The following FOXP1 variants were observed in gnomAD, a reference collection of about 807,000 sequenced individuals.
FOXP1 encodes forkhead box P1.
In FOXP1, 15 loss-of-function variants were observed where a neutral mutation model predicts 98.2. That is an observed-to-expected ratio of 0.15 (90% CI 0.10 to 0.24). The LOEUF is 0.24. FOXP1 is among the 10% of genes least tolerant of loss of function. The pLI, the probability that FOXP1 is intolerant of heterozygous loss-of-function variation, is 1.00. For synonymous variants in FOXP1, 371 were observed against 314.5 expected (o/e 1.18, Z -1.90); for missense variants, 633 against 848.5 (o/e 0.75, Z 3.15).
At chr3:71,114,095 A>G (rs2058168650) in intron 6 of FOXP1, among the ~76,000 whole-genome samples, 1 of 152,222 alleles carries the variant, frequency 6.6e-6, no homozygotes, top group African/African-American at 2.4e-5. Context: ...TTATTTGCGC[A>G]TCAAAGAAGA....
chr3:71,020,970 G>A (rs1330446348), intron 11 of FOXP1, among the ~76,000 whole-genome samples: 2 of 152,114 alleles, frequency 1.3e-5, no homozygotes, highest in Non-Finnish European at 2.9e-5. Context: ...CATGTTATTT[G>A]ATAAATTAAA....
chr3:71,580,098 C>G (rs1229230051), intron 2 of FOXP1, among the ~76,000 whole-genome samples: 1 of 150,650 alleles, frequency 6.6e-6, no homozygotes, highest in Non-Finnish European at 1.5e-5. Context: ...AGCAGCAGTT[C>G]TGTTTGATCT....
At chr3:71,280,072 G>A (rs551261689) in intron 5 of FOXP1, among the ~76,000 whole-genome samples, 1 of 145,448 alleles carries the variant, frequency 6.9e-6, no homozygotes, top group South Asian at 2.2e-4. Context: ...GCAGCGAGCT[G>A]AGACTGCACC....
intron 2 of FOXP1, among the ~76,000 whole-genome samples, chr3:71,522,664 C>G (rs1454939802): frequency 6.6e-6 from 1 of 152,138 alleles, no homozygotes; most frequent in African/African-American, 2.4e-5. Flanking sequence ...TAACTCAGAC[C>G]GTTCTGGGCC....
At chr3:71,548,278 C>G (rs2045516221) in intron 2 of FOXP1, among the ~76,000 whole-genome samples, 1 of 152,196 alleles carries the variant, frequency 6.6e-6, no homozygotes, top group Non-Finnish European at 1.5e-5. Context: ...AAACTAAACA[C>G]ACACATACAC....
intron 11 of FOXP1, among the ~76,000 whole-genome samples, chr3:71,015,914 G>A (rs957113505): frequency 2.0e-5 from 3 of 152,196 alleles, no homozygotes; most frequent in African/African-American, 7.2e-5. Flanking sequence ...GCTTTTGTTA[G>A]ATGCAAAGCT....
intron 2 of FOXP1, among the ~76,000 whole-genome samples, chr3:71,546,212 G>C (rs1340810276): frequency 2.6e-5 from 4 of 152,182 alleles, no homozygotes; most frequent in African/African-American, 9.7e-5. Context: ...GGCCAGGTAA[G>C]AGAGTGAAGG....
At chr3:71,571,422 A>C (rs1387471963) in intron 2 of FOXP1, 1 of 152,226 alleles carries the variant, frequency 6.6e-6, no homozygotes, top group Non-Finnish European at 1.5e-5. Context: ...CCCATTCTTC[A>C]GGGAAACACT....
chr3:71,061,770 G>A (rs1462130103), intron 7 of FOXP1, among the ~76,000 whole-genome samples: 1 of 152,100 alleles, frequency 6.6e-6, no homozygotes, highest in Non-Finnish European at 1.5e-5. Flanking sequence ...GTTCTCTTTA[G>A]TGATGTTCAT....
At chr3:71,432,553 C>T (rs780316163) in intron 3 of FOXP1, among the ~76,000 whole-genome samples, 3 of 152,152 alleles carry the variant, frequency 2.0e-5, no homozygotes, top group Non-Finnish European at 2.9e-5. Flanking sequence ...CCCTAGGCTA[C>T]GCCCCACCTA....
intron 6 of FOXP1, among the ~76,000 whole-genome samples, chr3:71,137,801 T>A (rs114149083): frequency 0.053 from 4,009 of 74,982 alleles, 184 homozygotes; most frequent in African/African-American, 0.13. Context: ...TATTATTATT[T>A]TTTTTTTTTG....
chr3:71,226,602 C>T (rs1472210096), intron 5 of FOXP1, among the ~76,000 whole-genome samples: 2 of 151,970 alleles, frequency 1.3e-5, no homozygotes, highest in Admixed American at 1.3e-4. Context: ...CCTCCCTACC[C>T]CCTTCTGCAT....
chr3:71,559,036 C>T (rs1255579370), intron 2 of FOXP1, among the ~76,000 whole-genome samples: 2 of 152,174 alleles, frequency 1.3e-5, no homozygotes, highest in Non-Finnish European at 2.9e-5. Context: ...AATCTCCTGA[C>T]CTTGTGATCC....
At chr3:71,576,713 A>C (rs1393026525) in intron 2 of FOXP1, among the ~76,000 whole-genome samples, 1 of 152,130 alleles carries the variant, frequency 6.6e-6, no homozygotes, top group Non-Finnish European at 1.5e-5. Context: ...CAATAACCTT[A>C]AATTATTACA....
intron 14 of FOXP1, among the ~76,000 whole-genome samples, chr3:70,986,799 C>T (rs939443762): frequency 2.6e-5 from 4 of 152,032 alleles, no homozygotes; most frequent in Admixed American, 2.0e-4. Context: ...AATGGATGCA[C>T]GAAGTGTTTA....
At chr3:71,516,813 T>C (rs2042615811) in intron 2 of FOXP1, among the ~76,000 whole-genome samples, 1 of 152,104 alleles carries the variant, frequency 6.6e-6, no homozygotes, top group Non-Finnish European at 1.5e-5. Flanking sequence ...ATCACTGCAC[T>C]CTAGCCTGGG....
At chr3:71,532,237 C>T (rs2043912859) in intron 2 of FOXP1, among the ~76,000 whole-genome samples, 1 of 152,158 alleles carries the variant, frequency 6.6e-6, no homozygotes, top group Non-Finnish European at 1.5e-5. Context: ...GTAGCTGGAA[C>T]TACAGATGTG....
At chr3:71,515,535 G>A (rs189668327) in intron 2 of FOXP1, among the ~76,000 whole-genome samples, 2 of 150,232 alleles carry the variant, frequency 1.3e-5, no homozygotes, top group Non-Finnish European at 3.0e-5. Flanking sequence ...GCTTTTATTA[G>A]TTACTATAAT....
At chr3:71,537,287 C>T (rs553370656) in intron 2 of FOXP1, among the ~76,000 whole-genome samples, 5 of 152,230 alleles carry the variant, frequency 3.3e-5, no homozygotes, top group African/African-American at 7.2e-5. Flanking sequence ...AAAAGGTGGC[C>T]GAGGCATTGC....
Sources: allele counts gnomAD v4.1 joint callset (sites outside exome capture counted in the v4.1 genomes callset), GRCh38; gene constraint gnomAD v4.1.1; transcripts MANE v1.5; gene names NCBI Gene and HGNC (gene_info 2026-07-23, HGNC 2026-07-21).